Variants in PIK3R3 observed in about 807,000 individuals in gnomAD.
The protein encoded by PIK3R3 is phosphatidylinositol 3-kinase regulatory subunit gamma.
Under a neutral mutation model 62.9 loss-of-function variants are expected in PIK3R3, and 64 were observed. The ratio of observed to expected loss-of-function variants is 1.02; its 90% CI spans 0.83 to 1.25. The LOEUF is 1.25. Ranked by LOEUF, PIK3R3 falls within the 50% of genes most tolerant of loss-of-function variation. The pLI, the probability that PIK3R3 is intolerant of heterozygous loss-of-function variation, is 0.00. For missense variants in PIK3R3, 614 were observed against 561.6 expected, an observed-to-expected ratio of 1.09 and a Z score of -0.94; for synonymous variants, 165 against 189.0, an observed-to-expected ratio of 0.87 and a Z score of 1.04.
chr1:46,055,330 G>A (rs993938867), intron 7 of PIK3R3, among the ~76,000 whole-genome samples: 6 of 152,152 alleles, frequency 3.9e-5, no homozygotes, highest in Admixed American at 2.0e-4. Context: ...CTGGTGTCTC[G>A]AACTCCGGAC....
chr1:46,168,761 AG>A, the PIK3R3 span, among the ~76,000 whole-genome samples: 1 of 152,164 alleles, frequency 6.6e-6, no homozygotes, highest in Non-Finnish European at 1.5e-5. Context: ...CTGGCTCTGG[AG>A]GCCTGACAAC....
chr1:46,052,308 G>A (rs1000984243), intron 7 of PIK3R3, among the ~76,000 whole-genome samples: 25 of 152,048 alleles, frequency 1.6e-4, no homozygotes, highest in African/African-American at 4.6e-4. Flanking sequence ...AAGCAAAACC[G>A]CAGTAAGCAA....
chr1:46,127,634 A>G (rs138250841), intron 1 of PIK3R3, among the ~76,000 whole-genome samples: 37 of 152,308 alleles, frequency 2.4e-4, no homozygotes, highest in Admixed American at 7.8e-4. Flanking sequence ...TTGCTACAGA[A>G]TAATCCCAAT....
intron 9 of PIK3R3, 145 bp downstream of exon 9, chr1:46,045,773 G>A (rs1647098932): frequency 1.5e-6 from 1 of 677,940 alleles, no homozygotes; most frequent in Admixed American, 3.0e-5. Context: ...ATAAAGCTGG[G>A]TTTTTTTGTA....
chr1:46,054,791 A>G (rs1184955746), intron 7 of PIK3R3, among the ~76,000 whole-genome samples: 8 of 152,196 alleles, frequency 5.3e-5, no homozygotes, highest in African/African-American at 1.4e-4. Context: ...TATTATGCCT[A>G]TATTTGGCTA....
intron 1 of PIK3R3, among the ~76,000 whole-genome samples, chr1:46,090,692 A>G (rs1035538043): frequency 3.3e-5 from 5 of 152,238 alleles, no homozygotes; most frequent in Non-Finnish European, 7.3e-5. Flanking sequence ...TATATTAAAA[A>G]TAAAGTTAAA....
At position 46,080,752 on chromosome 1, in the gene PIK3R3, T is replaced by C; in HGVS notation, c.107-2A>G. On this transcript the variant is annotated splice_acceptor_variant, in intron 1 of 9. Coordinates refer to ENST00000262741, the MANE Select transcript of PIK3R3 (RefSeq NM_003629.4). LOFTEE classifies it high-confidence loss of function. Reference sequence around the variant, plus strand: ...GCTTAGGTGGCTTTGGTGGAAGAGCTAGAAGAGAAATGAATATTACTCTGT... The same window carrying C: ...GCTTAGGTGGCTTTGGTGGAAGAGCCAGAAGAGAAATGAATATTACTCTGT... 6.3e-7 allele frequency: 1 copy of C among 1,595,586 alleles called. No homozygotes were observed. The highest frequency in any genetic ancestry group is 8.6e-7 in the Non-Finnish European group (1 of 1,163,134).
intron 1 of PIK3R3, among the ~76,000 whole-genome samples, chr1:46,102,281 G>A (rs959192689): frequency 4.6e-5 from 7 of 152,060 alleles, no homozygotes; most frequent in Non-Finnish European, 7.4e-5. Context: ...CACAGCGCCC[G>A]GCCTGAATTG....
At chr1:46,113,856 G>A (rs1350964170) in intron 1 of PIK3R3, among the ~76,000 whole-genome samples, 1 of 152,130 alleles carries the variant, frequency 6.6e-6, no homozygotes, top group Non-Finnish European at 1.5e-5. Context: ...ATAATTTAAT[G>A]AGGACTAAAG....
chr1:46,129,844 C>G (rs1655423128), intron 1 of PIK3R3, among the ~76,000 whole-genome samples: 1 of 152,066 alleles, frequency 6.6e-6, no homozygotes, highest in South Asian at 2.1e-4. Context: ...ATTAAAGCTA[C>G]AAAAGGGGTA....
intron 5 of PIK3R3, among the ~76,000 whole-genome samples, chr1:46,064,706 CA>C (rs1212632282): frequency 3.3e-5 from 5 of 151,628 alleles, no homozygotes; most frequent in African/African-American, 1.2e-4. Flanking sequence ...GAAGAAATCA[CA>C]AAAAATAGAA....
chr1:46,143,304 A>C, the PIK3R3 span, among the ~76,000 whole-genome samples: 1 of 152,206 alleles, frequency 6.6e-6, no homozygotes, highest in African/African-American at 2.4e-5. Flanking sequence ...GCTCCATTGT[A>C]GTAGATACCT....
At chr1:46,118,473 A>T (rs1654376191) in intron 1 of PIK3R3, among the ~76,000 whole-genome samples, 1 of 151,602 alleles carries the variant, frequency 6.6e-6, no homozygotes, top group Admixed American at 6.6e-5. Context: ...ATCTTATACG[A>T]GTTTTAAAAG....
At chr1:46,078,694 T>C (rs1316320085) in intron 2 of PIK3R3, among the ~76,000 whole-genome samples, 8 of 152,116 alleles carry the variant, frequency 5.3e-5, no homozygotes, top group Non-Finnish European at 1.2e-4. Flanking sequence ...GCACCAATAT[T>C]AATTGCAGCA....
chr1:46,054,424 AC>A (rs1315616172), intron 7 of PIK3R3, among the ~76,000 whole-genome samples: 2 of 137,734 alleles, frequency 1.5e-5, no homozygotes, highest in African/African-American at 2.7e-5. Context: ...AAAAAAAATC[AC>A]CTTAAATCTT....
rs891352917 is a variant in PIK3R3, at chr1:46,129,404, TA to T, written c.106+2442del. Among the ~76,000 whole-genome samples the T allele has an allele frequency of 8.7e-3, 1,273 of 147,078 alleles. 15 individuals are homozygous for T. Among genetic ancestry groups the T allele is most frequent in the East Asian group, 0.035 (173 of 4,920 alleles). On this transcript the variant is annotated intron_variant, in intron 1 of 9. Transcript: ENST00000262741. Reference sequence around the variant, plus strand: ...GAGAGGGTAAGCAATTGGGGGATTTTATTTATTTATTTATTTATTTATTTAT... The same window carrying T: ...GAGAGGGTAAGCAATTGGGGGATTTTTTTATTTATTTATTTATTTATTTAT...
At chr1:46,108,171 T>C in intron 1 of PIK3R3, among the ~76,000 whole-genome samples, 1 of 152,244 alleles carries the variant, frequency 6.6e-6, no homozygotes, top group Non-Finnish European at 1.5e-5. Context: ...TACCTTAACA[T>C]TATAAAATAA....
intron 5 of PIK3R3, among the ~76,000 whole-genome samples, chr1:46,063,689 A>ACCT (rs1321503446): frequency 6.6e-6 from 1 of 151,934 alleles, no homozygotes; most frequent in African/African-American, 2.4e-5. Flanking sequence ...CTACCTGTTC[A>ACCT]CCTCCTCTCT....
intron 1 of PIK3R3, among the ~76,000 whole-genome samples, chr1:46,131,361 C>G (rs1655564763): frequency 6.6e-6 from 1 of 152,146 alleles, no homozygotes; most frequent in South Asian, 2.1e-4. Context: ...TCACATAACT[C>G]AGTTTCAGAA....
Sources: allele counts gnomAD v4.1 joint callset (sites outside exome capture counted in the v4.1 genomes callset), GRCh38; gene constraint gnomAD v4.1.1; transcripts MANE v1.5; gene names NCBI Gene and HGNC (gene_info 2026-07-23, HGNC 2026-07-21).